Variants in CD96 observed in about 807,000 individuals in gnomAD.
CD96 encodes the protein T-cell surface protein tactile.
In CD96, 70 loss-of-function variants were observed where a neutral mutation model predicts 71.3. The ratio of observed to expected loss-of-function variants is 0.98; its 90% confidence interval spans 0.81 to 1.20. The LOEUF (loss-of-function observed/expected upper bound fraction) is 1.20, where lower values mean the gene tolerates loss of function less well. Ranked by LOEUF, CD96 falls within the 50% of genes most tolerant of loss-of-function variation. CD96 has a pLI of 0.00. For synonymous variants in CD96, 248 were observed against 233.0 expected, an observed-to-expected ratio of 1.06 and a Z score of -0.59; for missense variants, 742 against 677.5, an observed-to-expected ratio of 1.10 and a Z score of -1.06.
At chr3:111,558,690 C>T (rs1332573063) in intron 2 of CD96, among the ~76,000 whole-genome samples, 26 of 124,382 alleles carry the variant, frequency 2.1e-4, no homozygotes, top group Non-Finnish European at 4.2e-4. Flanking sequence ...TGTCTCTGCC[C>T]GGCTTTGGTA....
chr3:111,559,092 C>G (rs1935241867), intron 2 of CD96, among the ~76,000 whole-genome samples: 2 of 151,360 alleles, frequency 1.3e-5, no homozygotes, highest in Admixed American at 6.6e-5. Flanking sequence ...TTTGATTCTT[C>G]TCTCTTTTTT....
At chr3:111,586,473 A>C (rs1936719736) in intron 5 of CD96, among the ~76,000 whole-genome samples, 1 of 152,164 alleles carries the variant, frequency 6.6e-6, no homozygotes, top group Non-Finnish European at 1.5e-5. Context: ...TGCCAGTTTC[A>C]TATATTAGTC....
intron 8 of CD96, among the ~76,000 whole-genome samples, chr3:111,622,958 G>C (rs759747907): frequency 4.7e-4 from 71 of 152,132 alleles, no homozygotes; most frequent in Non-Finnish European, 3.4e-4. Context: ...CACTATCCCT[G>C]TTTAGGTTTC....
intron 14 of CD96, among the ~76,000 whole-genome samples, chr3:111,660,109 C>T (rs1369803536): frequency 1.3e-5 from 2 of 152,172 alleles, no homozygotes; most frequent in African/African-American, 4.8e-5. Context: ...TGGCATGACT[C>T]TGTATAGAAA....
chr3:111,576,916 G>T (rs776064270), intron 3 of CD96, among the ~76,000 whole-genome samples: 3 of 152,012 alleles, frequency 2.0e-5, no homozygotes, highest in Non-Finnish European at 4.4e-5. Flanking sequence ...TCTTGCTACT[G>T]CCCCCTTTAT....
intron 4 of CD96, among the ~76,000 whole-genome samples, chr3:111,583,164 C>T (rs1319521188): frequency 6.6e-6 from 1 of 152,166 alleles, no homozygotes; most frequent in African/African-American, 2.4e-5. Flanking sequence ...GGCTGCAGGC[C>T]CCATGCAAGT....
intron 1 of CD96, among the ~76,000 whole-genome samples, chr3:111,544,029 T>G (rs1416787632): frequency 6.6e-6 from 1 of 152,228 alleles, no homozygotes; most frequent in East Asian, 1.9e-4. Flanking sequence ...TCTAAAGGTC[T>G]CTTTGTCTTC....
chr3:111,605,712 CA>C (rs1937604858), intron 7 of CD96, among the ~76,000 whole-genome samples: 1 of 152,158 alleles, frequency 6.6e-6, no homozygotes, highest in African/African-American at 2.4e-5. Context: ...AAGAATAGAA[CA>C]TACATGCATC....
chr3:111,595,789 A>G lies in CD96; in HGVS notation c.808-2331A>G, dbSNP rs113205500. ...ATATTTAGATTGAGAAGGAAAACCT[A>G]CCAAGAGGAGATAGGAAGACTCTAA... is the stretch of plus-strand genomic sequence containing the variant. On this transcript the variant is annotated intron_variant, in intron 5 of 13. Transcript: ENST00000352690. 2.8e-3 allele frequency among the ~76,000 whole-genome samples: 420 copies of G among 152,072 alleles called. 6 individuals are homozygous for G. The highest frequency in any genetic ancestry group is 9.7e-3 in the African/African-American group (401 of 41,502).
At chr3:111,624,482 G>A in intron 10 of CD96, 78 bp downstream of exon 10, 3 of 845,306 alleles carry the variant, frequency 3.5e-6, no homozygotes, top group South Asian at 2.7e-5. Context: ...CGACATCTAT[G>A]TGCTTTGTTT....
At chr3:111,568,067 A>T (rs979398022) in intron 3 of CD96, among the ~76,000 whole-genome samples, 7 of 152,210 alleles carry the variant, frequency 4.6e-5, no homozygotes, top group Non-Finnish European at 8.8e-5. Flanking sequence ...AATATCCAAC[A>T]TTGGGTTAGA....
chr3:111,593,789 T>C, intron 5 of CD96: 1 of 1,614,222 alleles, frequency 6.2e-7, no homozygotes, highest in South Asian at 1.1e-5. Context: ...CCTACCCCAG[T>C]TACCCTCAAT....
intron 5 of CD96, chr3:111,593,864 C>A: frequency 3.1e-6 from 5 of 1,613,882 alleles, no homozygotes; most frequent in Non-Finnish European, 4.2e-6. Flanking sequence ...ACCATGGCCA[C>A]TCTTCTCCAG....
At chr3:111,619,114 A>T (rs1028779477) in intron 8 of CD96, among the ~76,000 whole-genome samples, 1 of 152,198 alleles carries the variant, frequency 6.6e-6, no homozygotes, top group African/African-American at 2.4e-5. Context: ...AGTATAGGTT[A>T]AGAGATTCAG....
chr3:111,602,465 G>A (rs971346218), intron 7 of CD96, among the ~76,000 whole-genome samples: 1 of 152,064 alleles, frequency 6.6e-6, no homozygotes, highest in South Asian at 2.1e-4. Context: ...TGCCAAATGA[G>A]TCTTTATCCT....
intron 10 of CD96, among the ~76,000 whole-genome samples, chr3:111,629,809 C>G (rs938448383): frequency 5.3e-5 from 8 of 152,070 alleles, no homozygotes; most frequent in Non-Finnish European, 1.2e-4. Context: ...GAAATCATAA[C>G]AAAGTCTCTC....
intron 8 of CD96, among the ~76,000 whole-genome samples, chr3:111,609,885 G>C (rs367574608): frequency 6.6e-6 from 1 of 152,126 alleles, no homozygotes; most frequent in Admixed American, 6.5e-5. Flanking sequence ...GCAGTGCCTG[G>C]AGACATTTTG....
At chr3:111,571,641 G>A (rs1292978497) in intron 3 of CD96, among the ~76,000 whole-genome samples, 1 of 152,172 alleles carries the variant, frequency 6.6e-6, no homozygotes, top group East Asian at 1.9e-4. Flanking sequence ...AATGCACCAT[G>A]ATACCAACAA....
chr3:111,567,768 G>T (rs1935789947), intron 3 of CD96, 121 bp downstream of exon 3: 3 of 893,816 alleles, frequency 3.4e-6, no homozygotes, highest in East Asian at 5.0e-5. Context: ...TTATGCCAGT[G>T]GTGGGAAGAG....
Sources: allele counts gnomAD v4.1 joint callset (sites outside exome capture counted in the v4.1 genomes callset), GRCh38; gene constraint gnomAD v4.1.1; transcripts MANE v1.5; gene names NCBI Gene and HGNC (gene_info 2026-07-23, HGNC 2026-07-21).